Variants in NECAB1 observed in about 807,000 individuals in gnomAD.
The protein encoded by NECAB1 is N-terminal EF-hand calcium binding protein 1, also known as N-terminal EF-hand calcium-binding protein 1.
A neutral mutation model predicts 57.5 loss-of-function variants in NECAB1; 29 were observed. The ratio of observed to expected loss-of-function variants is 0.50; its 90% CI spans 0.38 to 0.69. The LOEUF (loss-of-function observed/expected upper bound fraction) is 0.69. Among genes scored for constraint, NECAB1 ranks in the 30% least tolerant of loss-of-function variants. NECAB1 has a pLI of 0.00. For missense variants in NECAB1, 372 were observed against 413.8 expected (o/e 0.90, Z 0.88); for synonymous variants, 142 against 147.7 (o/e 0.96, Z 0.28).
intron 5 of NECAB1, among the ~76,000 whole-genome samples, chr8:90,881,693 G>A (rs1365296857): frequency 6.6e-6 from 1 of 152,144 alleles, no homozygotes; most frequent in Non-Finnish European, 1.5e-5. Flanking sequence ...TATGCTTCCT[G>A]TACAGCCTGC....
At chr8:90,896,392 C>CAGG in intron 5 of NECAB1, among the ~76,000 whole-genome samples, 1 of 152,216 alleles carries the variant, frequency 6.6e-6, no homozygotes, top group East Asian at 1.9e-4. Context: ...ATCACAAGGT[C>CAGG]AGGAGATCGA....
chr8:90,802,991 G>C (rs1481809538), intron 2 of NECAB1, among the ~76,000 whole-genome samples: 1 of 151,968 alleles, frequency 6.6e-6, no homozygotes, highest in Non-Finnish European at 1.5e-5. Context: ...CCGTCTCCTG[G>C]GTTCAAGCAA....
chr8:90,932,492 C>T (rs1404643804), intron 8 of NECAB1, among the ~76,000 whole-genome samples: 1 of 152,026 alleles, frequency 6.6e-6, no homozygotes, highest in East Asian at 1.9e-4. Context: ...CAATATAATA[C>T]AGATAGGGGG....
intron 2 of NECAB1, among the ~76,000 whole-genome samples, chr8:90,817,454 A>AT (rs1457347733): frequency 2.7e-5 from 3 of 110,546 alleles, no homozygotes; most frequent in East Asian, 4.3e-4. Flanking sequence ...TCAGCTATAG[A>AT]TTTTTTTTGT....
chr8:90,947,772 T>C lies in NECAB1; in HGVS notation c.861-2035T>C, dbSNP rs74421211. ...CAGATAAGGAAACCGAGGTTGAGTA[T>C]TGGAATCAAGGTGGCACAGCTAATA... On this transcript the variant is annotated intron_variant, in intron 10 of 12. Transcript: ENST00000417640. Among the ~76,000 whole-genome samples the C allele has an allele frequency of 1.3e-3, 197 of 152,322 alleles. 2 individuals carry two copies. The highest frequency in any genetic ancestry group is 4.5e-3 in the African/African-American group (186 of 41,584).
Position 90,940,870 on chromosome 8 carries a change from A to G in NECAB1, c.832A>G (p.Ser278Gly), listed in dbSNP as rs371901435. 14 of 1,560,688 alleles carry G rather than the reference A, an allele frequency of 9.0e-6. No individual in the cohort carries two copies. The African/African-American group carries it at 1.9e-4, about 21-fold the overall frequency. Residue 278 changes from serine (S) to glycine (G), a missense_variant, in exon 10 of 13, where the codon AGT (serine) becomes GGT (glycine). Ser to Gly is a moderately conservative substitution (Grantham distance 56, BLOSUM62 0). Transcript: ENST00000417640. ...FQLALKHYVE[S>G]ASSQSGCLRI... ...GCTCGCTCTGAAACACTACGTGGAG[A>G]GTGCTTCCTCCCAAAGTGGATGCTT... is the stretch of plus-strand genomic sequence containing the variant.
intron 3 of NECAB1, among the ~76,000 whole-genome samples, chr8:90,839,145 T>A (rs2129739609): frequency 6.6e-6 from 1 of 152,342 alleles, no homozygotes; most frequent in Admixed American, 6.5e-5. Flanking sequence ...ATTAATCAAC[T>A]TTTAATAAAT....
chr8:90,835,000 TAAA>T (rs34904518), intron 3 of NECAB1, among the ~76,000 whole-genome samples: 18 of 148,636 alleles, frequency 1.2e-4, no homozygotes, highest in Middle Eastern at 6.9e-3. Flanking sequence ...TTTTTTTTTT[TAAA>T]AAAGAGCCCG....
chr8:90,909,187 G>A (rs1187656964), intron 5 of NECAB1, among the ~76,000 whole-genome samples: 1 of 151,974 alleles, frequency 6.6e-6, no homozygotes, highest in Non-Finnish European at 1.5e-5. Flanking sequence ...TTATTTTTGA[G>A]GTTGGCAGCC....
At chr8:90,911,290 T>A (rs1809823729) in intron 5 of NECAB1, among the ~76,000 whole-genome samples, 1 of 152,020 alleles carries the variant, frequency 6.6e-6, no homozygotes, top group Admixed American at 6.6e-5. Flanking sequence ...AATCAAAGAC[T>A]AAGAAAGAAT....
intron 5 of NECAB1, among the ~76,000 whole-genome samples, chr8:90,887,791 T>C (rs2129926263): frequency 6.6e-6 from 1 of 152,338 alleles, no homozygotes; most frequent in Non-Finnish European, 1.5e-5. Context: ...GGTTTACAGA[T>C]GGAGGGGTCA....
At chr8:90,853,413 A>G (rs1490738034) in intron 3 of NECAB1, among the ~76,000 whole-genome samples, 1 of 152,236 alleles carries the variant, frequency 6.6e-6, no homozygotes, top group African/African-American at 2.4e-5. Flanking sequence ...TAGAAGGAGC[A>G]TATTTTGAGG....
chr8:90,896,770 T>C (rs1246261279), intron 5 of NECAB1, among the ~76,000 whole-genome samples: 1 of 152,154 alleles, frequency 6.6e-6, no homozygotes, highest in Non-Finnish European at 1.5e-5. Flanking sequence ...CCACCCTGAC[T>C]CATTCCGATT....
intron 3 of NECAB1, among the ~76,000 whole-genome samples, chr8:90,849,294 C>T (rs143813691): frequency 1.3e-5 from 2 of 151,988 alleles, no homozygotes; most frequent in Non-Finnish European, 2.9e-5. Context: ...CATAGCAAGA[C>T]CCTGTCTCTA....
intron 2 of NECAB1, among the ~76,000 whole-genome samples, chr8:90,816,058 T>C (rs1812056640): frequency 6.6e-6 from 1 of 151,914 alleles, no homozygotes; most frequent in Non-Finnish European, 1.5e-5. Context: ...GTATTATCAG[T>C]TTTTTTCAGG....
At chr8:90,866,069 A>G (rs926858198) in intron 3 of NECAB1, among the ~76,000 whole-genome samples, 1 of 152,198 alleles carries the variant, frequency 6.6e-6, no homozygotes, top group African/African-American at 2.4e-5. Flanking sequence ...AAGGTCAGAT[A>G]TTTGATCATT....
At chr8:90,851,575 GA>G (rs1232614085) in intron 3 of NECAB1, among the ~76,000 whole-genome samples, 4 of 151,310 alleles carry the variant, frequency 2.6e-5, no homozygotes, top group Non-Finnish European at 3.0e-5. Context: ...TGTGGGTATA[GA>G]AAAAAAAGGG....
rs1811067941 is a variant in NECAB1, at chr8:90,958,252, T to C, written c.*2740T>C. On this transcript the variant is annotated 3_prime_UTR_variant, in exon 13 of 13. Coordinates refer to ENST00000417640, the MANE Select transcript of NECAB1 (RefSeq NM_022351.5). ...TGTCAATTATTTTCAAATGTCTAAA[T>C]TCCTTTGGAAATAAAAATATCAGTT... 1 of 151,598 alleles carries C rather than the reference T, an allele frequency of 6.6e-6. No individual in the cohort carries two copies. The highest frequency in any genetic ancestry group is 2.4e-5 in the African/African-American group (1 of 41,352). The allele number at this position is 151,598 out of a possible 1,614,324, so 9.4% of individuals were successfully genotyped here.
chr8:90,939,009 T>A (rs1810606354), intron 9 of NECAB1, among the ~76,000 whole-genome samples: 1 of 152,316 alleles, frequency 6.6e-6, no homozygotes, highest in Non-Finnish European at 1.5e-5. Flanking sequence ...ATGTGGTTTT[T>A]AATCCTCTAA....
Sources: gnomAD v4.1 joint callset for allele counts (sites outside exome capture counted in the v4.1 genomes callset) on GRCh38, gnomAD v4.1.1 for gene constraint, MANE v1.5 for transcripts, NCBI Gene and HGNC (gene_info 2026-07-23, HGNC 2026-07-21) for gene names.